PRL: variants seen among roughly 807,000 people sequenced by gnomAD.
PRL encodes decidual prolactin.
A neutral mutation model predicts 21.3 loss-of-function variants in PRL; 24 were observed. The ratio of observed to expected loss-of-function variants is 1.13; its 90% CI spans 0.82 to 1.59. The LOEUF (loss-of-function observed/expected upper bound fraction) is 1.59, where lower values mean the gene tolerates loss of function less well. Among genes scored for constraint, PRL ranks in the 40% most tolerant of loss-of-function variants. The pLI is 0.00. For synonymous variants in PRL, 118 were observed against 115.7 expected (o/e 1.02, Z -0.13); for missense variants, 243 against 286.9 (o/e 0.85, Z 1.10).
upstream of PRL, among the ~76,000 whole-genome samples, chr6:22,301,836 G>A (rs1761287059): frequency 6.6e-6 from 1 of 151,650 alleles, no homozygotes; most frequent in African/African-American, 2.4e-5. Context: ...TTTTACCATT[G>A]GGGTTGACCT....
At chr6:22,287,756 A>C (rs576422503) in intron 4 of PRL, among the ~76,000 whole-genome samples, 163 bp from the exon 5 acceptor site, 1 of 152,356 alleles carries the variant, frequency 6.6e-6, no homozygotes, top group East Asian at 1.9e-4. Context: ...TCAGAAACCT[A>C]TTAATCTAAA....
intron 2 of PRL, among the ~76,000 whole-genome samples, chr6:22,293,698 G>GTAGGGAAA (rs1761111987): frequency 8.1e-6 from 1 of 123,362 alleles, no homozygotes; most frequent in Non-Finnish European, 1.6e-5. Context: ...AAGGAAGGAA[G>GTAGGGAAA]GAAGGAAAGA....
intron 2 of PRL, among the ~76,000 whole-genome samples, chr6:22,293,106 A>T (rs1304990593): frequency 6.6e-6 from 1 of 152,256 alleles, no homozygotes; most frequent in Non-Finnish European, 1.5e-5. Context: ...AATAGGCATT[A>T]TAAAATCATA....
intron 2 of PRL, among the ~76,000 whole-genome samples, chr6:22,292,987 G>A (rs747454614): frequency 1.3e-5 from 2 of 152,160 alleles, no homozygotes; most frequent in Non-Finnish European, 2.9e-5. Context: ...ATGTTGTATT[G>A]AGAATCATCT....
Position 22,287,598 on chromosome 6 carries a change from T to A in PRL, c.493-5A>T, listed in dbSNP as rs1447802927. On this transcript the variant is annotated splice_region_variant and splice_polypyrimidine_tract_variant and intron_variant, in intron 4 of 4. Transcript: ENST00000306482. ...TTCTTTGGTTTCAGGATGAACCTAA[T>A]CACACAAAAAAAGAGTGACTTATTC... 4 of 1,583,584 alleles carry A rather than the reference T, an allele frequency of 2.5e-6. No individual in the cohort carries two copies. Among genetic ancestry groups the A allele is most frequent in the Admixed American group, 3.5e-5 (2 of 56,352 alleles).
At chr6:22,300,291 C>T (rs1026080501), upstream of PRL, among the ~76,000 whole-genome samples, 2 of 152,166 alleles carry the variant, frequency 1.3e-5, no homozygotes, top group Non-Finnish European at 1.5e-5. Context: ...CAGTAAACTG[C>T]AATCTAACTT....
chr6:22,292,678 G>C (rs371051167), intron 2 of PRL, 33 bp from the exon 3 acceptor site: 1 of 1,564,652 alleles, frequency 6.4e-7, no homozygotes, highest in African/African-American at 1.4e-5. Context: ...AATTAGTTGG[G>C]GTTGTTTGGG....
upstream of PRL, among the ~76,000 whole-genome samples, chr6:22,300,592 C>T (rs1761265988): frequency 6.6e-6 from 1 of 152,166 alleles, no homozygotes; most frequent in Admixed American, 6.5e-5. Flanking sequence ...TTAAACTCTG[C>T]TAAAATTAAT....
At chr6:22,291,280 G>T (rs1224494715) in intron 3 of PRL, among the ~76,000 whole-genome samples, 2 of 152,174 alleles carry the variant, frequency 1.3e-5, no homozygotes, top group Non-Finnish European at 1.5e-5. Context: ...GTTTTTCTGG[G>T]AGCATTGCAA....
intron 2 of PRL, 88 bp downstream of exon 2, chr6:22,294,321 C>G: frequency 6.7e-7 from 1 of 1,485,440 alleles, no homozygotes; most frequent in Non-Finnish European, 9.3e-7. Flanking sequence ...AAATTTGGCT[C>G]GGGAGGTTTT....
At chr6:22,299,219 A>G (rs887367501), upstream of PRL, among the ~76,000 whole-genome samples, 1 of 152,290 alleles carries the variant, frequency 6.6e-6, no homozygotes, top group Non-Finnish European at 1.5e-5. Flanking sequence ...ATAGGGTTGT[A>G]CATTTTAAAA....
At chr6:22,290,148 CAAA>C (rs1168897332) in intron 4 of PRL, 23 bp downstream of exon 4, 1 of 1,503,112 alleles carries the variant, frequency 6.7e-7, no homozygotes, top group Admixed American at 2.0e-5. Context: ...ATGAGAAAAA[CAAA>C]GAAGCACCAG....
At chr6:22,287,931 T>C (rs1205960) in intron 4 of PRL, among the ~76,000 whole-genome samples, 110,720 of 152,014 alleles carry the variant, frequency 0.73, 40,575 homozygotes, top group East Asian at 0.9. Context: ...TGCTCTCACT[T>C]GAGGAACTAT....
At chr6:22,296,140 G>T (rs1399327176) in intron 1 of PRL, among the ~76,000 whole-genome samples, 1 of 152,164 alleles carries the variant, frequency 6.6e-6, no homozygotes, top group African/African-American at 2.4e-5. Flanking sequence ...ATTCACAACT[G>T]GATAGATGTT....
At chr6:22,291,607 T>C (rs1008091018) in intron 3 of PRL, among the ~76,000 whole-genome samples, 1 of 152,214 alleles carries the variant, frequency 6.6e-6, no homozygotes, top group Non-Finnish European at 1.5e-5. Context: ...TTGGGATTTC[T>C]GGTTAGTGAT....
At chr6:22,292,684 T>C (rs1761076716) in intron 2 of PRL, 39 bp from the exon 3 acceptor site, 2 of 1,552,466 alleles carry the variant, frequency 1.3e-6, no homozygotes, top group Non-Finnish European at 1.8e-6. Context: ...TTGGGGTTGT[T>C]TGGGCATTGA....
At chr6:22,297,043 C>T (rs1293941385), upstream of PRL, 2 of 1,574,548 alleles carry the variant, frequency 1.3e-6, no homozygotes, top group Admixed American at 1.7e-5. Flanking sequence ...TCACGGTTTT[C>T]TCTTTCCCAG....
chr6:22,301,646 G>A (rs931810376), upstream of PRL, among the ~76,000 whole-genome samples: 1 of 152,130 alleles, frequency 6.6e-6, no homozygotes, highest in African/African-American at 2.4e-5. Context: ...AGTAGAGCAG[G>A]CTCTTCAGAG....
chr6:22,294,260 C>T, intron 2 of PRL, 149 bp downstream of exon 2: 1 of 832,528 alleles, frequency 1.2e-6, no homozygotes, highest in Non-Finnish European at 1.9e-6. Context: ...TCTTCTTGTT[C>T]CACATCTTAT....
Sources: allele counts gnomAD v4.1 joint callset (sites outside exome capture counted in the v4.1 genomes callset), GRCh38; gene constraint gnomAD v4.1.1; transcripts MANE v1.5; gene names NCBI Gene and HGNC (gene_info 2026-07-23, HGNC 2026-07-21).